UST: variants seen among roughly 807,000 people sequenced by gnomAD.
UST encodes the protein chondroitin sulfate 2-O-sulfotransferase.
A neutral mutation model predicts 45.6 loss-of-function variants in UST; 21 were observed. The ratio of observed to expected loss-of-function variants is 0.46; its 90% CI spans 0.33 to 0.66. The LOEUF is 0.66. UST is among the 30% of genes least tolerant of loss of function. The pLI is 0.02. For missense variants in UST, 463 were observed against 512.4 expected, an observed-to-expected ratio of 0.90 and a Z score of 0.93; for synonymous variants, 215 against 200.6, an observed-to-expected ratio of 1.07 and a Z score of -0.61.
chr6:148,786,041 G>A (rs1052394558), intron 1 of UST, among the ~76,000 whole-genome samples: 1 of 151,154 alleles, frequency 6.6e-6, no homozygotes, highest in Admixed American at 6.6e-5. Context: ...AGTGCAATTG[G>A]AACTCAATCT....
At chr6:148,892,291 CTCTT>C (rs1437614439) in intron 2 of UST, among the ~76,000 whole-genome samples, 1 of 152,162 alleles carries the variant, frequency 6.6e-6, no homozygotes, top group East Asian at 1.9e-4. Context: ...AATCTCATCT[CTCTT>C]TCTGTCAGTT....
chr6:148,897,815 C>A lies in UST; in HGVS notation c.291+10786C>A, dbSNP rs775709483. ...TTCTTTGGATTTTTAAAAGCAATTA[C>A]ATGCCAATTGGCAGACCAGATACGA... On this transcript the variant is annotated intron_variant, in intron 2 of 7. Coordinates refer to ENST00000367463, the MANE Select transcript of UST (RefSeq NM_005715.3). Among the ~76,000 whole-genome samples, 44 of 152,194 alleles carry A rather than the reference C, an allele frequency of 2.9e-4. 1 individual carries two copies. The highest frequency in any genetic ancestry group is 4.6e-4 in the Non-Finnish European group (31 of 68,048).
intron 1 of UST, among the ~76,000 whole-genome samples, chr6:148,876,466 G>A (rs1009759494): frequency 3.9e-5 from 6 of 152,138 alleles, no homozygotes; most frequent in Non-Finnish European, 8.8e-5. Context: ...AAAATTAAGT[G>A]ATATTTCCAA....
chr6:148,918,127 G>A (rs1562299364), intron 2 of UST, among the ~76,000 whole-genome samples: 1 of 152,254 alleles, frequency 6.6e-6, no homozygotes, highest in East Asian at 1.9e-4. Context: ...AGTATTTGCT[G>A]CAAAACCATC....
intron 5 of UST, among the ~76,000 whole-genome samples, chr6:148,985,778 G>A (rs545913757): frequency 5.3e-5 from 8 of 152,212 alleles, no homozygotes; most frequent in East Asian, 1.9e-4. Flanking sequence ...AACCTAAAGC[G>A]CAAGGAGATT....
chr6:148,770,731 G>A (rs1188330598), intron 1 of UST, among the ~76,000 whole-genome samples: 2 of 152,104 alleles, frequency 1.3e-5, no homozygotes, highest in Non-Finnish European at 2.9e-5. Context: ...CTGAGTGGTG[G>A]GTGTTAAGCT....
chr6:148,776,235 C>G (rs779323704), intron 1 of UST, among the ~76,000 whole-genome samples: 30 of 152,188 alleles, frequency 2.0e-4, no homozygotes, highest in Non-Finnish European at 3.8e-4. Flanking sequence ...GACCTCCAGT[C>G]CTGGTTTCCA....
At chr6:149,013,737 T>C (rs899024710) in intron 5 of UST, among the ~76,000 whole-genome samples, 2 of 152,168 alleles carry the variant, frequency 1.3e-5, no homozygotes, top group Admixed American at 1.3e-4. Context: ...GCATATGGCC[T>C]CTTAAGGATT....
chr6:148,878,530 C>CG (rs1254117138), intron 1 of UST, among the ~76,000 whole-genome samples: 1 of 46,720 alleles, frequency 2.1e-5, no homozygotes, highest in African/African-American at 9.1e-5. Context: ...TGTATGAGTG[C>CG]GGGGGGTCAT....
At chr6:149,016,852 A>T (rs1775904740) in intron 5 of UST, among the ~76,000 whole-genome samples, 1 of 152,118 alleles carries the variant, frequency 6.6e-6, no homozygotes, top group African/African-American at 2.4e-5. Flanking sequence ...CTTCTCACCC[A>T]GCTCCTGGCC....
At chr6:148,955,051 G>T (rs928040722) in intron 4 of UST, among the ~76,000 whole-genome samples, 3 of 152,240 alleles carry the variant, frequency 2.0e-5, no homozygotes, top group African/African-American at 7.2e-5. Flanking sequence ...AGATCTGCTG[G>T]AGACCAGCCT....
At chr6:149,040,159 G>A (rs991281445) in intron 7 of UST, among the ~76,000 whole-genome samples, 1 of 152,098 alleles carries the variant, frequency 6.6e-6, no homozygotes, top group African/African-American at 2.4e-5. Flanking sequence ...AAACCTTGGC[G>A]GTAACAAAGT....
intron 1 of UST, among the ~76,000 whole-genome samples, chr6:148,877,969 G>T (rs1159761147): frequency 2.5e-5 from 3 of 118,020 alleles, no homozygotes; most frequent in African/African-American, 6.4e-5. Context: ...GTGTATGAGT[G>T]GGGGGATCGT....
chr6:149,044,112 A>G (rs1391682575), intron 7 of UST, among the ~76,000 whole-genome samples: 1 of 152,240 alleles, frequency 6.6e-6, no homozygotes, highest in Non-Finnish European at 1.5e-5. Context: ...CCAAAAGAAA[A>G]TGTTAAATCC....
intron 2 of UST, among the ~76,000 whole-genome samples, chr6:148,925,870 G>T (rs1482972648): frequency 6.6e-6 from 1 of 152,210 alleles, no homozygotes; most frequent in African/African-American, 2.4e-5. Flanking sequence ...GGACTTCTGA[G>T]CAAATGAGTG....
chr6:148,983,056 G>A (rs1781168810), intron 5 of UST, among the ~76,000 whole-genome samples: 1 of 152,192 alleles, frequency 6.6e-6, no homozygotes, highest in South Asian at 2.1e-4. Context: ...GCCATATTGA[G>A]CACTGAGAAT....
At position 148,887,365 on chromosome 6, in the gene UST, G is replaced by C. The variant is rs560855525; in HGVS notation, c.291+336G>C. Among the ~76,000 whole-genome samples, 3 of 152,286 alleles carry C rather than the reference G, an allele frequency of 2.0e-5. No homozygotes were observed. In the South Asian group the frequency reaches 6.2e-4, roughly 32 times the overall value. On this transcript the variant is annotated intron_variant, in intron 2 of 7. Transcript: ENST00000367463. ...GGCCCACAGTGTGATAGCCACACCCGGCCTCCCCATGCCTTCGGGCTTTGG... is the reference window on the plus strand; with the variant it reads ...GGCCCACAGTGTGATAGCCACACCCCGCCTCCCCATGCCTTCGGGCTTTGG...
chr6:149,019,717 A>G (rs1184126743), intron 6 of UST, among the ~76,000 whole-genome samples: 2 of 152,198 alleles, frequency 1.3e-5, no homozygotes, highest in Non-Finnish European at 2.9e-5. Context: ...GGATATACTT[A>G]GTAGGCAGAG....
chr6:148,967,818 G>T (rs748564682), intron 5 of UST, among the ~76,000 whole-genome samples: 2 of 152,246 alleles, frequency 1.3e-5, no homozygotes, highest in South Asian at 4.1e-4. Flanking sequence ...AATTCGGGCA[G>T]TTCTGCCCCT....
Sources: allele counts gnomAD v4.1 joint callset (sites outside exome capture counted in the v4.1 genomes callset), GRCh38; gene constraint gnomAD v4.1.1; transcripts MANE v1.5; gene names NCBI Gene and HGNC (gene_info 2026-07-23, HGNC 2026-07-21).